The following LEF1 variants were observed in gnomAD, a reference collection of about 807,000 sequenced individuals.
LEF1 encodes lymphoid enhancer-binding factor 1.
In LEF1, 14 loss-of-function variants were observed where a neutral mutation model predicts 51.2. The observed-to-expected ratio is 0.27, with a 90% confidence interval of 0.18 to 0.43. LEF1 has a LOEUF of 0.43. Ranked by LOEUF, LEF1 falls within the 20% of genes least tolerant of loss-of-function variation. The pLI is 1.00. For synonymous variants in LEF1, 185 were observed against 183.2 expected, an observed-to-expected ratio of 1.01 and a Z score of -0.08; for missense variants, 386 against 512.0, an observed-to-expected ratio of 0.75 and a Z score of 2.37.
At chr4:108,165,219 C>A in intron 1 of LEF1, 56 bp from the exon 2 acceptor site, 2 of 1,515,040 alleles carry the variant, frequency 1.3e-6, no homozygotes, top group Non-Finnish European at 1.8e-6. Flanking sequence ...GAGTTTGTGA[C>A]AATAATGGTA....
chr4:108,080,216 C>A (rs919032489), intron 6 of LEF1, among the ~76,000 whole-genome samples: 2 of 152,094 alleles, frequency 1.3e-5, no homozygotes, highest in African/African-American at 4.8e-5. Flanking sequence ...ACTACACTTG[C>A]CAAAGGCTTT....
chr4:108,142,886 G>A (rs1218666837), intron 3 of LEF1, among the ~76,000 whole-genome samples: 2 of 152,138 alleles, frequency 1.3e-5, no homozygotes, highest in South Asian at 2.1e-4. Flanking sequence ...AATGCATCTC[G>A]TTTAACAAAG....
At chr4:108,070,120 G>C (rs1738363016) in intron 9 of LEF1, among the ~76,000 whole-genome samples, 1 of 151,984 alleles carries the variant, frequency 6.6e-6, no homozygotes, top group African/African-American at 2.4e-5. Context: ...ACAATAGGAA[G>C]CAACTTAAAT....
At chr4:108,127,791 A>C (rs1742640041) in intron 3 of LEF1, among the ~76,000 whole-genome samples, 1 of 152,192 alleles carries the variant, frequency 6.6e-6, no homozygotes, top group Non-Finnish European at 1.5e-5. Context: ...GTACAAGACA[A>C]AAAGTCTGGA....
chr4:108,054,713 T>C (rs143662011), intron 11 of LEF1, among the ~76,000 whole-genome samples: 70 of 152,214 alleles, frequency 4.6e-4, no homozygotes, highest in Admixed American at 7.2e-4. Context: ...ATATCTCTTA[T>C]GAAACAGAAT....
chr4:108,057,955 C>T (rs1737415395), intron 11 of LEF1, among the ~76,000 whole-genome samples: 1 of 151,720 alleles, frequency 6.6e-6, no homozygotes, highest in Non-Finnish European at 1.5e-5. Flanking sequence ...CTCACTGCAA[C>T]CTGCGCCTCC....
intron 3 of LEF1, among the ~76,000 whole-genome samples, chr4:108,101,590 G>C (rs1740825081): frequency 6.6e-6 from 1 of 152,222 alleles, no homozygotes; most frequent in East Asian, 1.9e-4. Flanking sequence ...AGTGAGAGGA[G>C]TGGGTAGGCA....
intron 3 of LEF1, among the ~76,000 whole-genome samples, chr4:108,124,101 T>C (rs532416161): frequency 1.3e-5 from 2 of 152,220 alleles, no homozygotes; most frequent in South Asian, 4.1e-4. Context: ...TGAGCTATGA[T>C]TGCACTCCAG....
At chr4:108,095,082 G>C (rs1210093992) in intron 3 of LEF1, among the ~76,000 whole-genome samples, 1 of 152,130 alleles carries the variant, frequency 6.6e-6, no homozygotes, top group African/African-American at 2.4e-5. Context: ...GCTTTCAAAT[G>C]TAAGACCCCC....
chr4:108,074,117 G>A (rs758459077), intron 8 of LEF1, among the ~76,000 whole-genome samples: 11 of 152,152 alleles, frequency 7.2e-5, no homozygotes, highest in Non-Finnish European at 1.5e-4. Context: ...TAGATAAAAT[G>A]ATGTAATTAA....
chr4:108,119,782 T>A (rs1742049666), intron 3 of LEF1, among the ~76,000 whole-genome samples: 1 of 152,186 alleles, frequency 6.6e-6, no homozygotes, highest in South Asian at 2.1e-4. Flanking sequence ...GGTTTCAGCA[T>A]CCATTTATAA....
intron 3 of LEF1, among the ~76,000 whole-genome samples, chr4:108,148,037 A>T (rs1042968556): frequency 6.6e-6 from 1 of 152,252 alleles, no homozygotes; most frequent in African/African-American, 2.4e-5. Flanking sequence ...TAGTACAAAA[A>T]GCAAGTGCCT....
intron 3 of LEF1, among the ~76,000 whole-genome samples, chr4:108,151,699 A>T (rs1488829259): frequency 6.6e-6 from 1 of 152,220 alleles, no homozygotes; most frequent in Admixed American, 6.5e-5. Context: ...TAACGCACAG[A>T]AGGGGTTTAG....
At chr4:108,077,039 A>AAG (rs1380746244) in intron 8 of LEF1, among the ~76,000 whole-genome samples, 1 of 151,262 alleles carries the variant, frequency 6.6e-6, no homozygotes, top group Non-Finnish European at 1.5e-5. Context: ...AAAAAAAAAA[A>AAG]AAAAAGAATG....
chr4:108,124,723 C>G (rs192467152), intron 3 of LEF1, among the ~76,000 whole-genome samples: 18 of 152,298 alleles, frequency 1.2e-4, no homozygotes, highest in Middle Eastern at 6.8e-3. Flanking sequence ...TATAAAAAGT[C>G]TTAATTTTGG....
At position 108,166,162 on chromosome 4, in the gene LEF1, T is replaced by C. The variant is rs1216600646; in HGVS notation, c.214-999A>G. On this transcript the variant is annotated intron_variant, in intron 1 of 11. Transcript: ENST00000265165. ...TAGTCACAAATCTTTTACGCGGGGT[T>C]AGGTGCACCCTACCCCCGCCCCCAG... The C allele has an allele frequency of 1.1e-5, 12 of 1,065,742 alleles. No homozygotes were observed. In the African/African-American group the frequency reaches 1.6e-4, roughly 14 times the overall value. The allele number at this position is 1,065,742 out of a possible 1,614,324, so 66.0% of individuals were successfully genotyped here.
At chr4:108,120,747 A>G (rs1742124920) in intron 3 of LEF1, among the ~76,000 whole-genome samples, 3 of 152,226 alleles carry the variant, frequency 2.0e-5, no homozygotes, top group Admixed American at 2.0e-4. Context: ...TCATTATATA[A>G]TACCACAATC....
intron 11 of LEF1, among the ~76,000 whole-genome samples, chr4:108,055,247 C>T (rs999256424): frequency 1.3e-5 from 2 of 152,150 alleles, no homozygotes; most frequent in Non-Finnish European, 2.9e-5. Context: ...TAGTCCCAAA[C>T]AGCAAAGGAA....
chr4:108,052,400 T>A (rs1171325488), intron 11 of LEF1, among the ~76,000 whole-genome samples: 1 of 152,192 alleles, frequency 6.6e-6, no homozygotes, highest in Non-Finnish European at 1.5e-5. Context: ...CGATGTGCAA[T>A]TTGAGGGGAG....
Sources: allele counts gnomAD v4.1 joint callset (sites outside exome capture counted in the v4.1 genomes callset), GRCh38; gene constraint gnomAD v4.1.1; transcripts MANE v1.5; gene names NCBI Gene and HGNC (gene_info 2026-07-23, HGNC 2026-07-21).